SSBP3: variants seen among roughly 807,000 people sequenced by gnomAD.
The protein encoded by SSBP3 is single-stranded DNA-binding protein 3.
A neutral mutation model predicts 69.6 loss-of-function variants in SSBP3; 5 were observed. The ratio of observed to expected loss-of-function variants is 0.07; its 90% CI spans 0.04 to 0.15. The LOEUF (loss-of-function observed/expected upper bound fraction) is 0.15. Ranked by LOEUF, SSBP3 falls within the 10% of genes least tolerant of loss-of-function variation. SSBP3 has a pLI of 1.00. For missense variants in SSBP3, 312 were observed against 534.0 expected (o/e 0.58, Z 4.10); for synonymous variants, 196 against 193.4 (o/e 1.01, Z -0.11).
intron 4 of SSBP3, among the ~76,000 whole-genome samples, chr1:54,364,985 G>A (rs1348461708): frequency 6.6e-6 from 1 of 152,164 alleles, no homozygotes; most frequent in Non-Finnish European, 1.5e-5. Context: ...AAACAGCTGT[G>A]GAAAATCAGG....
intron 4 of SSBP3, among the ~76,000 whole-genome samples, chr1:54,322,393 C>T (rs924567617): frequency 6.6e-5 from 10 of 152,172 alleles, no homozygotes; most frequent in Non-Finnish European, 1.2e-4. Flanking sequence ...CCAGCACAGA[C>T]AATGGCTAGC....
chr1:54,300,566 G>A (rs1034222344), intron 4 of SSBP3, among the ~76,000 whole-genome samples: 1 of 152,200 alleles, frequency 6.6e-6, no homozygotes, highest in Non-Finnish European at 1.5e-5. Flanking sequence ...CTCAGCTCCA[G>A]GATCCCAAAG....
chr1:54,411,529 C>T (rs980221277), intron 1 of SSBP3, among the ~76,000 whole-genome samples: 14 of 151,954 alleles, frequency 9.2e-5, no homozygotes, highest in Non-Finnish European at 1.5e-4. Context: ...TGGCTCATGC[C>T]TGTAATCCCA....
chr1:54,257,392 C>T (rs1644940223), intron 6 of SSBP3: 2 of 515,632 alleles, frequency 3.9e-6, no homozygotes, highest in African/African-American at 4.1e-5. Context: ...CTCTTGACTC[C>T]ACATTTGTTC....
At chr1:54,342,920 G>A (rs751432121) in intron 4 of SSBP3, among the ~76,000 whole-genome samples, 39 of 152,244 alleles carry the variant, frequency 2.6e-4, no homozygotes, top group South Asian at 1.0e-3. Context: ...AAGGGAAAAC[G>A]CTCCCCGATG....
At chr1:54,236,744 G>GA (rs1021138115) in intron 14 of SSBP3, 5 of 152,198 alleles carry the variant, frequency 3.3e-5, no homozygotes, top group Non-Finnish European at 5.9e-5. Flanking sequence ...AAACGTGTCT[G>GA]AGGCATTCTC....
At chr1:54,332,361 CT>C (rs1488564455) in intron 4 of SSBP3, among the ~76,000 whole-genome samples, 7 of 152,166 alleles carry the variant, frequency 4.6e-5, no homozygotes, top group African/African-American at 1.4e-4. Context: ...GAGCAGGGAG[CT>C]GCTGGGAGGG....
chr1:54,401,247 A>G (rs928013130), intron 4 of SSBP3, among the ~76,000 whole-genome samples: 8 of 152,230 alleles, frequency 5.3e-5, no homozygotes, highest in Non-Finnish European at 1.2e-4. Flanking sequence ...AGTGAGTAAC[A>G]GGGTAGAAAG....
At chr1:54,407,107 A>G (rs556803323), upstream of SSBP3, among the ~76,000 whole-genome samples, 98 of 152,026 alleles carry the variant, frequency 6.4e-4, no homozygotes, top group East Asian at 0.014. Flanking sequence ...GGAAAACCCC[A>G]AAGTGGAGCC....
chr1:54,301,780 C>T (rs1261997201), intron 4 of SSBP3, among the ~76,000 whole-genome samples: 2 of 152,262 alleles, frequency 1.3e-5, no homozygotes, highest in East Asian at 1.9e-4. Context: ...CCCTAGGTTC[C>T]GGGGCCTTCA....
chr1:54,357,693 G>A (rs1275877530), intron 4 of SSBP3, among the ~76,000 whole-genome samples: 1 of 152,228 alleles, frequency 6.6e-6, no homozygotes, highest in African/African-American at 2.4e-5. Context: ...CTTGAGCCCA[G>A]GAGTTCCAGG....
rs113505071 is a variant in SSBP3, at chr1:54,360,916, C to T, written c.276+40945G>A. Among the ~76,000 whole-genome samples, 171 of 122,382 alleles carry T rather than the reference C, an allele frequency of 1.4e-3. 1 individual carries two copies. The highest frequency in any genetic ancestry group is 5.2e-3 in the African/African-American group (164 of 31,372). 80.3% of individuals were successfully genotyped at this position (122,382 alleles called of 152,430 possible). A position where few individuals can be genotyped will look rare whatever the true frequency, so the allele number is the denominator to read the frequency against. On this transcript the variant is annotated intron_variant, in intron 4 of 17. Transcript: ENST00000610401. ...ACAACATAGTAAGACCTTGTCTCTA[C>T]TTAAAAAAAAAAAAAAAAAATCTGC...
intron 9 of SSBP3, among the ~76,000 whole-genome samples, chr1:54,250,574 C>A (rs976907359): frequency 1.3e-5 from 2 of 152,108 alleles, no homozygotes; most frequent in African/African-American, 2.4e-5. Flanking sequence ...TCAGGGGACC[C>A]AGAAACCAGT....
At chr1:54,285,888 GAC>G (rs1645479866) in intron 4 of SSBP3, among the ~76,000 whole-genome samples, 1 of 152,184 alleles carries the variant, frequency 6.6e-6, no homozygotes, top group Non-Finnish European at 1.5e-5. Context: ...GGAGCCCACG[GAC>G]AGGCCCCTTT....
chr1:54,354,428 C>A (rs1264162368), intron 4 of SSBP3, among the ~76,000 whole-genome samples: 1 of 152,146 alleles, frequency 6.6e-6, no homozygotes, highest in East Asian at 1.9e-4. Flanking sequence ...CCGAGAACTA[C>A]AGGAGAGACA....
At chr1:54,326,625 T>C (rs1646310618) in intron 4 of SSBP3, among the ~76,000 whole-genome samples, 1 of 152,284 alleles carries the variant, frequency 6.6e-6, no homozygotes, top group South Asian at 2.1e-4. Flanking sequence ...CAGGCCTGCC[T>C]TTCTCCCTCA....
chr1:54,273,953 A>C (rs79720951), intron 5 of SSBP3, among the ~76,000 whole-genome samples: 6,601 of 152,278 alleles, frequency 0.043, 518 homozygotes, highest in African/African-American at 0.15. Flanking sequence ...CTCCTCTCTA[A>C]TCCTTCTCAG....
In SSBP3 at chr1:54,258,903, G is replaced by C. The variant is rs1346310345; in HGVS notation, c.367-754C>G. On this transcript the variant is annotated intron_variant, in intron 5 of 17. Transcript: ENST00000610401. The surrounding 1 kb of genome is among the most constrained non-coding windows in gnomAD (Gnocchi z 4.5). ...CAATTTTTACTGATGAGGAATCTAA[G>C]TCTCGAGGGATGAAGGAACTTGGCC... Among the ~76,000 whole-genome samples the C allele has an allele frequency of 1.3e-5, 2 of 152,196 alleles. No homozygotes were observed. The highest frequency in any genetic ancestry group is 2.9e-5 in the Non-Finnish European group (2 of 68,044).
intron 4 of SSBP3, among the ~76,000 whole-genome samples, chr1:54,330,535 C>G (rs1015569933): frequency 6.6e-6 from 1 of 152,144 alleles, no homozygotes; most frequent in African/African-American, 2.4e-5. Flanking sequence ...AGAGCAAGGG[C>G]GACCGCTTTG....
Sources: gnomAD v4.1 joint callset for allele counts (sites outside exome capture counted in the v4.1 genomes callset) on GRCh38, gnomAD v4.1.1 for gene constraint, Gnocchi (gnomAD v3.1) non-coding constraint, MANE v1.5 for transcripts, NCBI Gene and HGNC (gene_info 2026-07-23, HGNC 2026-07-21) for gene names.